TENM1: variants seen among roughly 807,000 people sequenced by gnomAD.
The protein encoded by TENM1 is teneurin-1.
Under a neutral mutation model 174.8 loss-of-function variants are expected in TENM1, and 35 were observed. That is an observed-to-expected ratio of 0.20 (90% confidence interval 0.15 to 0.27). The LOEUF is 0.27. Ranked by LOEUF, TENM1 falls within the 10% of genes least tolerant of loss-of-function variation. TENM1 has a pLI of 1.00. For synonymous variants in TENM1, 781 were observed against 798.7 expected (o/e 0.98, Z 0.37); for missense variants, 1,633 against 2,130.1 (o/e 0.77, Z 4.59).
Position 124,789,156 on chromosome X carries a change from C to CGAGT in TENM1, c.536-51963_536-51960dup, listed in dbSNP as rs1277867419. On this transcript the variant is annotated intron_variant, in intron 3 of 31. Transcript: ENST00000422452. ...GATTGCACCTTCTGAATCCACAGCC[C>CGAGT]GAGTTGTACCTTGGCCCCTTTTAGT... 4.5e-5 allele frequency among the ~76,000 whole-genome samples: 5 copies of CGAGT among 111,544 alleles called. No homozygotes were observed. The East Asian group carries it at 1.4e-3, about 32-fold the overall frequency.
the TENM1 span, among the ~76,000 whole-genome samples, chrX:125,003,861 C>G: frequency 1.8e-5 from 2 of 111,569 alleles, no homozygotes; most frequent in African/African-American, 6.5e-5. Context: ...AGTAAGCATG[C>G]CTTGAGTGGG....
intron 3 of TENM1, among the ~76,000 whole-genome samples, chrX:124,754,193 A>C (rs1251129245): frequency 1.8e-5 from 2 of 111,069 alleles, no homozygotes; most frequent in Non-Finnish European, 3.8e-5. Flanking sequence ...CAGAGATTCA[A>C]CTTCTTCCTG....
intron 3 of TENM1, among the ~76,000 whole-genome samples, chrX:124,779,571 T>A (rs1270417515): frequency 8.9e-6 from 1 of 111,825 alleles, no homozygotes; most frequent in African/African-American, 3.3e-5. Context: ...AAGCTTTGAG[T>A]ATCTCACCTT....
chrX:124,717,793 C>A (rs1227188477), intron 4 of TENM1, among the ~76,000 whole-genome samples: 1 of 112,117 alleles, frequency 8.9e-6, no homozygotes, highest in African/African-American at 3.2e-5. Flanking sequence ...TACGTGCTGT[C>A]CCCTCCCACA....
intron 1 of TENM1, among the ~76,000 whole-genome samples, chrX:124,931,871 G>GCA (rs34069865): frequency 0.033 from 3,322 of 101,936 alleles, 45 homozygotes; most frequent in African/African-American, 0.048. Context: ...CCAAGCGCAC[G>GCA]CACACACACA....
chrX:125,191,543 CA>C, the TENM1 span, among the ~76,000 whole-genome samples: 2,574 of 111,885 alleles, frequency 0.023, 24 homozygotes, highest in South Asian at 0.039. Flanking sequence ...GATGAAGGAA[CA>C]TTTGATCAAA....
the TENM1 span, among the ~76,000 whole-genome samples, chrX:125,142,007 TTG>T: frequency 7.1e-5 from 8 of 111,902 alleles, no homozygotes; most frequent in East Asian, 8.4e-4. Flanking sequence ...CCCAGGATTG[TTG>T]TGAGATTTAA....
At chrX:125,019,895 A>G in the TENM1 span, among the ~76,000 whole-genome samples, 1 of 111,740 alleles carries the variant, frequency 8.9e-6, no homozygotes, top group African/African-American at 3.2e-5. Flanking sequence ...AGTCCATGGC[A>G]TAATTGTCCC....
At chrX:125,203,878 C>A in the TENM1 span, 1 of 113,036 alleles carries the variant, frequency 8.8e-6, no homozygotes, top group Non-Finnish European at 1.9e-5. Flanking sequence ...TCGGCTCCGC[C>A]GGGCGCTGCC....
chrX:124,470,670 C>T (rs931641321), intron 22 of TENM1, among the ~76,000 whole-genome samples: 2 of 111,180 alleles, frequency 1.8e-5, no homozygotes, highest in African/African-American at 6.5e-5. Flanking sequence ...TCTTTTACTA[C>T]TGGCCTGCCA....
chrX:124,861,573 T>C (rs1408580317), intron 3 of TENM1, among the ~76,000 whole-genome samples: 1 of 112,147 alleles, frequency 8.9e-6, no homozygotes, highest in Non-Finnish European at 1.9e-5. Flanking sequence ...TTGATGGGAT[T>C]GATTGATCAT....
intron 1 of TENM1, among the ~76,000 whole-genome samples, chrX:124,932,214 G>GTT (rs2058183310): frequency 8.9e-6 from 1 of 112,049 alleles, no homozygotes; most frequent in Non-Finnish European, 1.9e-5. Flanking sequence ...TTCAATATCA[G>GTT]TGGCAATATT....
the TENM1 span, among the ~76,000 whole-genome samples, chrX:124,994,863 C>A: frequency 9.0e-6 from 1 of 111,129 alleles, no homozygotes; most frequent in Non-Finnish European, 1.9e-5. Context: ...TTTCAAAATT[C>A]AAATCTTATC....
At chrX:125,112,454 G>A in the TENM1 span, among the ~76,000 whole-genome samples, 1 of 111,070 alleles carries the variant, frequency 9.0e-6, no homozygotes, top group Non-Finnish European at 1.9e-5. Context: ...TAAGGCAATA[G>A]TCAAACATAA....
At chrX:124,644,206 T>C (rs1214927024) in intron 10 of TENM1, among the ~76,000 whole-genome samples, 1 of 101,787 alleles carries the variant, frequency 9.8e-6, no homozygotes, top group Non-Finnish European at 2.0e-5. Context: ...TAAATTTACA[T>C]ATACATATAT....
At chrX:125,100,559 C>T in the TENM1 span, among the ~76,000 whole-genome samples, 1 of 111,899 alleles carries the variant, frequency 8.9e-6, no homozygotes, top group Non-Finnish European at 1.9e-5. Flanking sequence ...CCAATTTGAT[C>T]GGTACATGAG....
chrX:124,844,359 A>T (rs751869173), intron 3 of TENM1, among the ~76,000 whole-genome samples: 1 of 111,875 alleles, frequency 8.9e-6, no homozygotes, highest in African/African-American at 3.2e-5. Context: ...TAATAGACCC[A>T]AGTCATTCTC....
intron 11 of TENM1, among the ~76,000 whole-genome samples, chrX:124,569,613 A>C (rs1176248547): frequency 8.9e-6 from 1 of 112,170 alleles, no homozygotes; most frequent in Admixed American, 9.5e-5. Context: ...AGATGAATCT[A>C]AGATCCATAC....
At chrX:124,602,046 A>G (rs1239268302) in intron 11 of TENM1, among the ~76,000 whole-genome samples, 1 of 111,292 alleles carries the variant, frequency 9.0e-6, no homozygotes, top group African/African-American at 3.3e-5. Context: ...CCAATAAATT[A>G]CAATAATGTT....
Sources: gnomAD v4.1 joint callset for allele counts (sites outside exome capture counted in the v4.1 genomes callset) on GRCh38, gnomAD v4.1.1 for gene constraint, MANE v1.5 for transcripts, NCBI Gene and HGNC (gene_info 2026-07-23, HGNC 2026-07-21) for gene names.